NXPE2: variants seen among roughly 807,000 people sequenced by gnomAD.
NXPE2 encodes NXPE family member 2.
NXPE2 carries 34 observed loss-of-function variants against 34.4 expected under a neutral mutation model. The observed-to-expected ratio is 0.99, with a 90% CI of 0.75 to 1.31. NXPE2 has a LOEUF of 1.31. Ranked by LOEUF, NXPE2 falls within the 40% of genes most tolerant of loss-of-function variation. NXPE2 has a pLI of 0.00. For synonymous variants in NXPE2, 235 were observed against 231.3 expected (o/e 1.02, Z -0.15); for missense variants, 649 against 672.5 (o/e 0.97, Z 0.39).
At chr11:114,496,598 A>ATTTTG in the NXPE2 span, among the ~76,000 whole-genome samples, 2 of 151,922 alleles carry the variant, frequency 1.3e-5, no homozygotes, top group African/African-American at 4.8e-5. Flanking sequence ...CCTCCTCAAC[A>ATTTTG]TTTTGTTTTG....
At chr11:114,491,031 G>A in the NXPE2 span, among the ~76,000 whole-genome samples, 8 of 149,658 alleles carry the variant, frequency 5.3e-5, no homozygotes, top group South Asian at 8.5e-4. Context: ...GCGCGGTGGC[G>A]GGCGCCTGTA....
the NXPE2 span, among the ~76,000 whole-genome samples, chr11:114,639,287 T>TCTCCTGGTGCAC: frequency 6.6e-6 from 1 of 152,050 alleles, no homozygotes; most frequent in Non-Finnish European, 1.5e-5. Context: ...CAGGATATAA[T>TCTCCTGGTGCAC]CTCCTGGTGC....
At chr11:114,561,215 C>T in the NXPE2 span, among the ~76,000 whole-genome samples, 1 of 152,180 alleles carries the variant, frequency 6.6e-6, no homozygotes, top group Non-Finnish European at 1.5e-5. Context: ...ACATGTACAA[C>T]ATTTAAAAAC....
chr11:114,708,800 TTTAA>T (rs1211217017), downstream of NXPE2, among the ~76,000 whole-genome samples: 1 of 152,202 alleles, frequency 6.6e-6, no homozygotes, highest in African/African-American at 2.4e-5. Flanking sequence ...TGAAAGTAAA[TTTAA>T]TTATTCTTCC....
At chr11:114,631,369 T>C in the NXPE2 span, among the ~76,000 whole-genome samples, 2 of 151,892 alleles carry the variant, frequency 1.3e-5, no homozygotes, top group East Asian at 1.9e-4. Context: ...TCATGTCCTT[T>C]GTAGGGACAT....
chr11:114,575,697 T>C, the NXPE2 span, among the ~76,000 whole-genome samples: 2,835 of 152,116 alleles, frequency 0.019, 69 homozygotes, highest in African/African-American at 0.063. Flanking sequence ...AAAGAAATTA[T>C]AGATGACATG....
chr11:114,517,090 T>C, the NXPE2 span, among the ~76,000 whole-genome samples: 3 of 152,204 alleles, frequency 2.0e-5, no homozygotes, highest in African/African-American at 4.8e-5. Context: ...AGTAAATCCA[T>C]GTTTATTGAA....
the NXPE2 span, among the ~76,000 whole-genome samples, chr11:114,752,283 G>A: frequency 1.3e-5 from 2 of 152,224 alleles, no homozygotes; most frequent in African/African-American, 4.8e-5. Flanking sequence ...GGAGGAAGAG[G>A]CTTCCGGGAG....
At chr11:114,665,289 C>T in the NXPE2 span, among the ~76,000 whole-genome samples, 1 of 152,140 alleles carries the variant, frequency 6.6e-6, no homozygotes, top group Non-Finnish European at 1.5e-5. Flanking sequence ...ATGCTAATTT[C>T]TCCCCCACAA....
At chr11:114,676,345 C>T (rs1476430750), upstream of NXPE2, among the ~76,000 whole-genome samples, 1 of 151,690 alleles carries the variant, frequency 6.6e-6, no homozygotes, top group East Asian at 1.9e-4. Context: ...AAAACATTTG[C>T]AAACCATACA....
chr11:114,747,669 T>C, the NXPE2 span, among the ~76,000 whole-genome samples: 1 of 152,052 alleles, frequency 6.6e-6, no homozygotes, highest in African/African-American at 2.4e-5. Flanking sequence ...TCAGATCCCA[T>C]GAAAACTCAT....
At chr11:114,798,760 C>T in the NXPE2 span, among the ~76,000 whole-genome samples, 1 of 152,134 alleles carries the variant, frequency 6.6e-6, no homozygotes, top group Non-Finnish European at 1.5e-5. Flanking sequence ...CCAGTTTGCC[C>T]CTGTCTCTAA....
chr11:114,698,508 G>A lies in NXPE2; in HGVS notation c.596G>A (p.Gly199Glu). ...CTGCTGCTCATCCACCCCAGTGAAG[G>A]GGTATCAGCTCTCTGGAGGGCAAGG... Reference protein sequence around the residue: ...LSLLLIHPSEGVSALWRARNQ... With the variant: ...LSLLLIHPSEEVSALWRARNQ... The change falls in exon 3 of 6, where the codon GGG becomes GAG. Residue 199 changes from glycine (G) to glutamate (E), a missense_variant. Gly to Glu is a moderately conservative substitution (Grantham distance 98). Transcript: ENST00000389586. 6.2e-7 allele frequency: 1 copy of A among 1,614,052 alleles called. No homozygotes were observed. Among genetic ancestry groups the A allele is most frequent in the Non-Finnish European group, 8.5e-7 (1 of 1,179,960 alleles).
At chr11:114,475,223 A>AC in the NXPE2 span, among the ~76,000 whole-genome samples, 1 of 100,774 alleles carries the variant, frequency 9.9e-6, no homozygotes, top group African/African-American at 3.4e-5. Flanking sequence ...TTTAATGTGA[A>AC]CTGTTTTTTT....
chr11:114,692,972 A>G (rs977621303), intron 2 of NXPE2, among the ~76,000 whole-genome samples: 5 of 152,144 alleles, frequency 3.3e-5, no homozygotes, highest in Admixed American at 6.5e-5. Context: ...GATCCCTCCA[A>G]TTTCTCTATT....
At chr11:114,473,628 G>T in the NXPE2 span, among the ~76,000 whole-genome samples, 45 of 152,234 alleles carry the variant, frequency 3.0e-4, no homozygotes, top group African/African-American at 1.0e-3. Context: ...TTTTGTATTA[G>T]GTATACATTT....
chr11:114,632,726 A>AT, the NXPE2 span, among the ~76,000 whole-genome samples: 8 of 59,084 alleles, frequency 1.4e-4, 1 homozygote, highest in African/African-American at 2.0e-4. Context: ...TATATATAAT[A>AT]TATAATATAT....
At chr11:114,641,392 T>C in the NXPE2 span, among the ~76,000 whole-genome samples, 2 of 152,122 alleles carry the variant, frequency 1.3e-5, no homozygotes, top group South Asian at 2.1e-4. Context: ...ACAAAGGAAA[T>C]CTCAGCAACT....
At chr11:114,762,267 G>T in the NXPE2 span, among the ~76,000 whole-genome samples, 3 of 152,126 alleles carry the variant, frequency 2.0e-5, no homozygotes, top group African/African-American at 7.2e-5. Context: ...GGGCTTGTCA[G>T]TGTAATGTGT....
Sources: allele counts gnomAD v4.1 joint callset (sites outside exome capture counted in the v4.1 genomes callset), GRCh38; gene constraint gnomAD v4.1.1; transcripts MANE v1.5; gene names NCBI Gene and HGNC (gene_info 2026-07-23, HGNC 2026-07-21).